The following TBC1D19 variants were observed in gnomAD, a reference collection of about 807,000 sequenced individuals.
The protein encoded by TBC1D19 is TBC1 domain family member 19.
TBC1D19 carries 60 observed loss-of-function variants against 89.0 expected under a neutral mutation model. The ratio of observed to expected loss-of-function variants is 0.67; its 90% CI spans 0.55 to 0.84. The LOEUF (loss-of-function observed/expected upper bound fraction) is 0.84. Ranked by LOEUF, TBC1D19 falls within the 40% of genes least tolerant of loss-of-function variation. The pLI is 0.00. For synonymous variants in TBC1D19, 189 were observed against 199.7 expected (o/e 0.95, Z 0.45); for missense variants, 500 against 610.8 (o/e 0.82, Z 1.91).
intron 13 of TBC1D19, among the ~76,000 whole-genome samples, chr4:26,711,652 G>T (rs1477477669): frequency 6.6e-6 from 1 of 151,972 alleles, no homozygotes; most frequent in Non-Finnish European, 1.5e-5. Context: ...TCTAAATGAA[G>T]TAAATTACTA....
intron 13 of TBC1D19, among the ~76,000 whole-genome samples, chr4:26,714,099 A>C (rs2109252262): frequency 6.6e-6 from 1 of 152,216 alleles, no homozygotes; most frequent in Non-Finnish European, 1.5e-5. Flanking sequence ...TAATCCCAGC[A>C]CTTTGGAAGG....
At chr4:26,586,170 GCTT>G (rs1560396741) in intron 1 of TBC1D19, among the ~76,000 whole-genome samples, 10 of 135,140 alleles carry the variant, frequency 7.4e-5, no homozygotes, top group Non-Finnish European at 1.1e-4. Flanking sequence ...TGCAAGGTAA[GCTT>G]TTTTTTTTTT....
At chr4:26,667,676 T>A (rs556186823) in intron 9 of TBC1D19, among the ~76,000 whole-genome samples, 19 of 152,162 alleles carry the variant, frequency 1.2e-4, no homozygotes, top group Non-Finnish European at 2.5e-4. Flanking sequence ...TGTTTTTTGG[T>A]GAACGTATCT....
At chr4:26,709,759 C>A (rs1716015466) in intron 13 of TBC1D19, among the ~76,000 whole-genome samples, 1 of 152,012 alleles carries the variant, frequency 6.6e-6, no homozygotes, top group Admixed American at 6.6e-5. Flanking sequence ...ATAATTACAG[C>A]AGACAGTAGC....
intron 10 of TBC1D19, 21 bp downstream of exon 10, chr4:26,672,208 G>A: frequency 7.6e-7 from 1 of 1,318,600 alleles, no homozygotes. Context: ...AATTATAAAT[G>A]TTATTATTTC....
chr4:26,783,337 T>A, the TBC1D19 span, among the ~76,000 whole-genome samples: 1 of 152,208 alleles, frequency 6.6e-6, no homozygotes, highest in South Asian at 2.1e-4. Flanking sequence ...ATCTCATAGT[T>A]TCCAACTTGA....
intron 6 of TBC1D19, among the ~76,000 whole-genome samples, chr4:26,639,772 A>G (rs1488890570): frequency 2.0e-5 from 3 of 152,226 alleles, no homozygotes; most frequent in Non-Finnish European, 4.4e-5. Flanking sequence ...TGAGTTCAAA[A>G]GGGGGAATAG....
At chr4:26,609,295 C>T (rs749242203) in intron 1 of TBC1D19, among the ~76,000 whole-genome samples, 1 of 151,962 alleles carries the variant, frequency 6.6e-6, no homozygotes, top group African/African-American at 2.4e-5. Flanking sequence ...ACTTGGGATG[C>T]AAAAATAAAG....
At chr4:26,802,427 C>A in the TBC1D19 span, among the ~76,000 whole-genome samples, 1 of 152,010 alleles carries the variant, frequency 6.6e-6, no homozygotes, top group Non-Finnish European at 1.5e-5. Flanking sequence ...ATGGTGAAAC[C>A]CCATCTCTAC....
the TBC1D19 span, among the ~76,000 whole-genome samples, chr4:26,805,970 C>CA: frequency 0.012 from 1,864 of 149,720 alleles, 19 homozygotes; most frequent in Non-Finnish European, 0.016. Context: ...GACTTGGTCT[C>CA]AAAAAAAAAG....
chr4:26,603,491 G>A (rs1266311318), intron 1 of TBC1D19, among the ~76,000 whole-genome samples: 3 of 152,098 alleles, frequency 2.0e-5, no homozygotes, highest in Non-Finnish European at 4.4e-5. Flanking sequence ...ACTATCAAAG[G>A]AGAATATCCC....
At chr4:26,839,097 A>G in the TBC1D19 span, among the ~76,000 whole-genome samples, 2 of 152,200 alleles carry the variant, frequency 1.3e-5, no homozygotes, top group Non-Finnish European at 2.9e-5. Flanking sequence ...TTTACCTGCT[A>G]TTTTGAAACA....
the TBC1D19 span, among the ~76,000 whole-genome samples, chr4:26,796,792 A>AT: frequency 2.0e-5 from 3 of 152,150 alleles, no homozygotes; most frequent in South Asian, 6.2e-4. Context: ...GATGAAAATG[A>AT]TTTTTCATGT....
chr4:26,817,039 C>A, the TBC1D19 span, among the ~76,000 whole-genome samples: 1 of 152,158 alleles, frequency 6.6e-6, no homozygotes, highest in Non-Finnish European at 1.5e-5. Context: ...AGGAGCAGAG[C>A]GATGTACTAT....
chr4:26,643,460 C>T (rs542971145), intron 7 of TBC1D19, among the ~76,000 whole-genome samples: 1 of 152,218 alleles, frequency 6.6e-6, no homozygotes, highest in African/African-American at 2.4e-5. Flanking sequence ...ACTAAATGCC[C>T]ACAAGAGAAA....
chr4:26,609,873 G>A (rs1259176892), intron 1 of TBC1D19, among the ~76,000 whole-genome samples: 2 of 151,944 alleles, frequency 1.3e-5, no homozygotes, highest in Non-Finnish European at 2.9e-5. Flanking sequence ...CTTGGGATAC[G>A]GATAGTAAAA....
the TBC1D19 span, among the ~76,000 whole-genome samples, chr4:26,803,111 C>T: frequency 1.3e-5 from 2 of 152,174 alleles, no homozygotes; most frequent in African/African-American, 2.4e-5. Context: ...TTGAGGGGAA[C>T]GCATGCCATC....
chr4:26,817,763 G>T, the TBC1D19 span, among the ~76,000 whole-genome samples: 2 of 151,776 alleles, frequency 1.3e-5, 1 homozygote, highest in South Asian at 4.2e-4. Flanking sequence ...AGGTCAGGAG[G>T]TCAAGACCAG....
upstream of TBC1D19, chr4:26,583,987 G>A: frequency 1.8e-6 from 1 of 565,574 alleles, no homozygotes; most frequent in Non-Finnish European, 3.1e-6. Flanking sequence ...TTCCGCCGGC[G>A]GAACGCAGAT....
Sources: gnomAD v4.1 joint callset for allele counts (sites outside exome capture counted in the v4.1 genomes callset) on GRCh38, gnomAD v4.1.1 for gene constraint, MANE v1.5 for transcripts, NCBI Gene and HGNC (gene_info 2026-07-23, HGNC 2026-07-21) for gene names.